Variants in FGF1 observed in about 807,000 individuals in gnomAD.
FGF1 encodes fibroblast growth factor 1.
Under a neutral mutation model 13.4 loss-of-function variants are expected in FGF1, and 9 were observed. The observed-to-expected ratio is 0.67, with a 90% CI of 0.40 to 1.17. The LOEUF (loss-of-function observed/expected upper bound fraction) is 1.17. Among genes scored for constraint, FGF1 ranks in the 50% most tolerant of loss-of-function variants. The pLI is 0.01. For missense variants in FGF1, 156 were observed against 192.7 expected, an observed-to-expected ratio of 0.81 and a Z score of 1.13; for synonymous variants, 93 against 79.0, an observed-to-expected ratio of 1.18 and a Z score of -0.94.
At chr5:142,693,416 C>T (rs1175839935) in intron 2 of FGF1, among the ~76,000 whole-genome samples, 5 of 152,164 alleles carry the variant, frequency 3.3e-5, no homozygotes, top group African/African-American at 4.8e-5. Context: ...CTCAGCCTCC[C>T]GAGTAGCTGG....
chr5:142,646,989 G>A (rs1342772597), intron 1 of FGF1, among the ~76,000 whole-genome samples: 1 of 152,184 alleles, frequency 6.6e-6, no homozygotes, highest in African/African-American at 2.4e-5. Flanking sequence ...AACGATCAGG[G>A]CTCAACACCA....
chr5:142,661,479 C>A (rs1306877640), intron 1 of FGF1, among the ~76,000 whole-genome samples: 2 of 152,086 alleles, frequency 1.3e-5, no homozygotes, highest in East Asian at 3.9e-4. Flanking sequence ...AATCCAGCAC[C>A]TAAGTATGCA....
intron 1 of FGF1, among the ~76,000 whole-genome samples, chr5:142,683,745 C>T (rs758459809): frequency 4.3e-4 from 60 of 140,832 alleles, no homozygotes; most frequent in Non-Finnish European, 8.2e-4. Flanking sequence ...TGCTTGAACC[C>T]GGGAGGCGGA....
At chr5:142,627,812 G>C (rs563988312) in intron 1 of FGF1, among the ~76,000 whole-genome samples, 1 of 152,288 alleles carries the variant, frequency 6.6e-6, no homozygotes, top group Admixed American at 6.5e-5. Flanking sequence ...GTTTCTTTTT[G>C]CATTTTTTCT....
At chr5:142,620,711 A>T (rs962027344) in intron 1 of FGF1, among the ~76,000 whole-genome samples, 1 of 152,236 alleles carries the variant, frequency 6.6e-6, no homozygotes, top group Non-Finnish European at 1.5e-5. Flanking sequence ...ATTAATATGT[A>T]GAAGATTGAA....
chr5:142,697,047 T>C (rs1561783931), intron 2 of FGF1, among the ~76,000 whole-genome samples: 1 of 151,998 alleles, frequency 6.6e-6, no homozygotes, highest in Non-Finnish European at 1.5e-5. Flanking sequence ...AGAGCAATTT[T>C]CCCCAAACCC....
At position 142,686,044 on chromosome 5, in the gene FGF1, T is replaced by C. The variant is rs903212063; in HGVS notation, c.-122A>G. On this transcript the variant is annotated 5_prime_UTR_variant, in exon 1 of 4. Coordinates refer to ENST00000337706, the MANE Select transcript of FGF1 (RefSeq NM_000800.5). ...GAAGCAGAATCCACTTGGTGTCTTC[T>C]TCTCAGAGTAGCCCGGCTCTCTGAA... 1.3e-5 allele frequency: 2 copies of C among 152,208 alleles called. No homozygotes were observed. Among genetic ancestry groups the C allele is most frequent in the Admixed American group, 6.5e-5 (1 of 15,280 alleles). 9.4% of individuals were successfully genotyped at this position (152,208 alleles called of 1,614,324 possible).
At chr5:142,657,679 G>A (rs989634964) in intron 1 of FGF1, among the ~76,000 whole-genome samples, 5 of 152,240 alleles carry the variant, frequency 3.3e-5, no homozygotes, top group Non-Finnish European at 7.3e-5. Context: ...CTGCGGCTGC[G>A]GCCGAGTGTC....
intron 2 of FGF1, among the ~76,000 whole-genome samples, chr5:142,606,287 A>C (rs1757674740): frequency 6.6e-6 from 1 of 151,250 alleles, no homozygotes. Flanking sequence ...GAAAGGTAGA[A>C]TATAACATAC....
chr5:142,611,479 G>A (rs779636470), intron 2 of FGF1, among the ~76,000 whole-genome samples: 6 of 152,226 alleles, frequency 3.9e-5, no homozygotes, highest in Non-Finnish European at 5.9e-5. Flanking sequence ...GACTGGAAGC[G>A]TCCCAGGGCT....
rs529695734 is a variant in FGF1 at position 142,593,222 on chromosome 5, C to G, written c.*2068G>C. On this transcript the variant is annotated 3_prime_UTR_variant, in exon 4 of 4. Coordinates refer to ENST00000337706, the MANE Select transcript of FGF1 (RefSeq NM_000800.5). ...GACCATTATAATTATCTTAGATTTCCTCTCTGGGTATCTTTTTCTGGCCAA... is the reference window on the plus strand; with the variant it reads ...GACCATTATAATTATCTTAGATTTCGTCTCTGGGTATCTTTTTCTGGCCAA... 1 of 152,214 alleles carries G rather than the reference C, an allele frequency of 6.6e-6. No individual in the cohort carries two copies. The highest frequency in any genetic ancestry group is 1.9e-4 in the East Asian group (1 of 5,190). 9.4% of individuals were successfully genotyped at this position (152,214 alleles called of 1,614,324 possible).
At position 142,613,965 on chromosome 5, in the gene FGF1, G is replaced by C; in HGVS notation, c.163C>G (p.Gln55Glu). The change falls in exon 2 of 4, where the codon CAG (glutamine) becomes GAG (glutamate). Residue 55 changes from glutamine (Q) to glutamate (E), a missense_variant. Coordinates refer to ENST00000337706, the MANE Select transcript of FGF1 (RefSeq NM_000800.5). ...TVDGTRDRSD[Q>E]HIQLQLSAES... Reference sequence around the variant, plus strand: ...GCCATAGAGATGGGCTTACTGTGCTGGTCGCTCCTGTCCCTTGTCCCATCC... The same window carrying C: ...GCCATAGAGATGGGCTTACTGTGCTCGTCGCTCCTGTCCCTTGTCCCATCC... 6.2e-7 allele frequency: 1 copy of C among 1,613,820 alleles called. No individual in the cohort carries two copies. Among genetic ancestry groups the C allele is most frequent in the Non-Finnish European group, 8.5e-7 (1 of 1,179,978 alleles).
chr5:142,669,121 G>A (rs1770967354), intron 1 of FGF1, among the ~76,000 whole-genome samples: 2 of 152,248 alleles, frequency 1.3e-5, no homozygotes, highest in African/African-American at 4.8e-5. Flanking sequence ...CTAGCTTGGA[G>A]TCAGATCATA....
chr5:142,623,183 C>A (rs1340777680), intron 1 of FGF1, among the ~76,000 whole-genome samples: 1 of 152,196 alleles, frequency 6.6e-6, no homozygotes, highest in Non-Finnish European at 1.5e-5. Flanking sequence ...TGGACACTCA[C>A]TAGTAAATGA....
chr5:142,599,266 T>C (rs1430082435), intron 3 of FGF1, among the ~76,000 whole-genome samples: 1 of 152,176 alleles, frequency 6.6e-6, no homozygotes, highest in Non-Finnish European at 1.5e-5. Flanking sequence ...CCAAACCCCT[T>C]AAAGCCGTCC....
chr5:142,674,694 A>G lies in FGF1; in HGVS notation c.-35+11263T>C, dbSNP rs564080586. ...TCTGACCAATGCACGACTCCCGATTAGTCACCAGAAGCCTCTCTCTGGATC... is the reference window on the plus strand; with the variant it reads ...TCTGACCAATGCACGACTCCCGATTGGTCACCAGAAGCCTCTCTCTGGATC... On this transcript the variant is annotated intron_variant, in intron 1 of 3. Coordinates refer to ENST00000337706, the MANE Select transcript of FGF1 (RefSeq NM_000800.5). 3.9e-5 allele frequency among the ~76,000 whole-genome samples: 6 copies of G among 152,306 alleles called. No homozygotes were observed. The South Asian group carries it at 6.2e-4, about 16-fold the overall frequency.
chr5:142,647,101 T>C (rs751749752), intron 1 of FGF1, among the ~76,000 whole-genome samples: 1 of 152,202 alleles, frequency 6.6e-6, no homozygotes, highest in Non-Finnish European at 1.5e-5. Context: ...TGGCAGAGTA[T>C]GCAACCTCCA....
In FGF1 at chr5:142,614,034, T is replaced by C. The variant is rs557322408; in HGVS notation, c.94A>G (p.Ser32Gly). The part of the protein sequence containing the change: ...NYKKPKLLYC[S>G]NGGHFLRILP... ...ATCCTCAGGAAGTGGCCCCCGTTGC[T>C]ACAGTAGAGGAGTTTGGGCTTCTTG... Residue 32 changes from serine (S) to glycine (G), a missense_variant, in exon 2 of 4, where the codon AGC (serine) becomes GGC (glycine). Physicochemically the swap from Ser to Gly is moderately conservative, Grantham distance 56 (BLOSUM62 0). Coordinates refer to ENST00000337706, the MANE Select transcript of FGF1 (RefSeq NM_000800.5). 2 of 1,614,126 alleles carry C rather than the reference T, an allele frequency of 1.2e-6. No homozygotes were observed. The highest frequency in any genetic ancestry group is 2.7e-5 in the African/African-American group (2 of 75,022).
At chr5:142,610,985 A>G (rs1561544869) in intron 2 of FGF1, among the ~76,000 whole-genome samples, 1 of 152,198 alleles carries the variant, frequency 6.6e-6, no homozygotes, top group African/African-American at 2.4e-5. Flanking sequence ...TCAAAGGCAT[A>G]CGGTTCTATC....
Sources: gnomAD v4.1 joint callset for allele counts (sites outside exome capture counted in the v4.1 genomes callset) on GRCh38, gnomAD v4.1.1 for gene constraint, MANE v1.5 for transcripts, NCBI Gene and HGNC (gene_info 2026-07-23, HGNC 2026-07-21) for gene names.